ZBTB20: variants seen among roughly 807,000 people sequenced by gnomAD.
ZBTB20 encodes zinc finger and BTB domain-containing protein 20.
Under a neutral mutation model 56.9 loss-of-function variants are expected in ZBTB20, and 9 were observed. That is an observed-to-expected ratio of 0.16 (90% confidence interval 0.10 to 0.28). The LOEUF (loss-of-function observed/expected upper bound fraction) is 0.28. ZBTB20 is among the 10% of genes least tolerant of loss of function. The pLI, the probability that ZBTB20 is intolerant of heterozygous loss-of-function variation, is 1.00. For missense variants in ZBTB20, 655 were observed against 1,003.0 expected (o/e 0.65, Z 4.69); for synonymous variants, 417 against 420.7 (o/e 0.99, Z 0.11).
Position 114,631,352 on chromosome 3 carries a change from A to AGGGGT in ZBTB20, c.-295+62171_-295+62175dup, listed in dbSNP as rs1365912619. On this transcript the variant is annotated intron_variant, in intron 6 of 11. Transcript: ENST00000675478. ...TGCTTCTTCTATGACATTTTTGTGGAGGGGTGGGGTGGCTCTTAAATAGGT... is the reference window on the plus strand; with the variant it reads ...TGCTTCTTCTATGACATTTTTGTGGAGGGGTGGGGTGGGGTGGCTCTTAAATAGGT... Among the ~76,000 whole-genome samples, 26 of 87,140 alleles carry AGGGGT rather than the reference A, an allele frequency of 3.0e-4. 1 individual carries two copies. The highest frequency in any genetic ancestry group is 1.1e-3 in the African/African-American group (26 of 23,184). The allele number at this position is 87,140 out of a possible 152,430, so 57.2% of individuals were successfully genotyped here.
chr3:114,454,170 A>G (rs1282761883), intron 7 of ZBTB20, among the ~76,000 whole-genome samples: 1 of 74,296 alleles, frequency 1.3e-5, no homozygotes, highest in East Asian at 4.2e-4. Flanking sequence ...AGAGGAAAAG[A>G]GAAGGGAGAG....
At chr3:114,346,473 T>G (rs2080194093) in intron 11 of ZBTB20, among the ~76,000 whole-genome samples, 2 of 151,970 alleles carry the variant, frequency 1.3e-5, no homozygotes, top group South Asian at 4.1e-4. Flanking sequence ...ATTAACTGAT[T>G]TGTTGAAGGA....
intron 6 of ZBTB20, among the ~76,000 whole-genome samples, chr3:114,591,889 T>C (rs1380520771): frequency 6.6e-6 from 1 of 152,178 alleles, no homozygotes; most frequent in African/African-American, 2.4e-5. Context: ...ACATCTAAAA[T>C]AATGATTTGC....
At chr3:114,369,290 T>A (rs1304309949) in intron 10 of ZBTB20, among the ~76,000 whole-genome samples, 1 of 152,176 alleles carries the variant, frequency 6.6e-6, no homozygotes, top group Non-Finnish European at 1.5e-5. Context: ...GGTATAAAAC[T>A]GATAACATAA....
intron 2 of ZBTB20, among the ~76,000 whole-genome samples, chr3:115,047,257 G>T (rs1223860218): frequency 2.0e-5 from 3 of 152,050 alleles, no homozygotes; most frequent in Admixed American, 6.6e-5. Context: ...TTTTGTACCA[G>T]AAAACAGTAA....
chr3:114,679,771 A>C (rs2061854872), intron 6 of ZBTB20, among the ~76,000 whole-genome samples: 1 of 152,184 alleles, frequency 6.6e-6, no homozygotes, highest in African/African-American at 2.4e-5. Context: ...TTGACCCAGC[A>C]ATCCCATTAC....
chr3:115,093,940 G>C (rs992881717), intron 1 of ZBTB20, among the ~76,000 whole-genome samples: 1 of 152,074 alleles, frequency 6.6e-6, no homozygotes, highest in Non-Finnish European at 1.5e-5. Flanking sequence ...TTTTTAACGG[G>C]AGTTAGGGAA....
chr3:115,084,734 C>G (rs1415602446), intron 1 of ZBTB20, among the ~76,000 whole-genome samples: 1 of 151,850 alleles, frequency 6.6e-6, no homozygotes, highest in Non-Finnish European at 1.5e-5. Context: ...CAGAAAGCGT[C>G]CCAAGAATCC....
At chr3:114,620,348 A>G (rs1302863338) in intron 6 of ZBTB20, among the ~76,000 whole-genome samples, 2 of 151,824 alleles carry the variant, frequency 1.3e-5, no homozygotes, top group Non-Finnish European at 2.9e-5. Flanking sequence ...GCTGGAGTGC[A>G]ATGGCACGAC....
At chr3:114,809,599 C>G (rs754238685) in intron 4 of ZBTB20, among the ~76,000 whole-genome samples, 36 of 151,898 alleles carry the variant, frequency 2.4e-4, no homozygotes, top group Non-Finnish European at 4.1e-4. Context: ...ACATGATTTC[C>G]TATTATTTTG....
intron 6 of ZBTB20, among the ~76,000 whole-genome samples, chr3:114,550,925 A>G (rs1443122668): frequency 6.6e-6 from 1 of 151,976 alleles, no homozygotes; most frequent in Non-Finnish European, 1.5e-5. Context: ...TAATTTTTGT[A>G]TTTTTAGCAG....
At chr3:115,101,108 A>C (rs2083567750) in intron 1 of ZBTB20, among the ~76,000 whole-genome samples, 1 of 152,252 alleles carries the variant, frequency 6.6e-6, no homozygotes, top group South Asian at 2.1e-4. Context: ...ATCACAATGC[A>C]ATGTACTCTG....
chr3:114,403,958 T>C (rs1463351739), intron 7 of ZBTB20, among the ~76,000 whole-genome samples: 1 of 152,114 alleles, frequency 6.6e-6, no homozygotes, highest in Non-Finnish European at 1.5e-5. Flanking sequence ...TAGATGGTTT[T>C]TAAGATTCTT....
At chr3:114,810,487 G>T (rs1389052084) in intron 4 of ZBTB20, among the ~76,000 whole-genome samples, 1 of 152,100 alleles carries the variant, frequency 6.6e-6, no homozygotes, top group African/African-American at 2.4e-5. Flanking sequence ...TGAAGTTGTG[G>T]GTTTTCATGA....
intron 6 of ZBTB20, among the ~76,000 whole-genome samples, chr3:114,526,945 T>C (rs187644123): frequency 2.6e-5 from 4 of 152,302 alleles, no homozygotes; most frequent in African/African-American, 9.6e-5. Context: ...AGATCTTTTT[T>C]CAATAATGGA....
intron 7 of ZBTB20, among the ~76,000 whole-genome samples, chr3:114,482,087 G>A (rs564957688): frequency 6.6e-6 from 1 of 152,124 alleles, no homozygotes; most frequent in Non-Finnish European, 1.5e-5. Context: ...TTGCAGGGGG[G>A]TGTCTAGGAC....
chr3:114,893,469 GAAAC>G (rs1423099882), intron 4 of ZBTB20, among the ~76,000 whole-genome samples: 1 of 152,174 alleles, frequency 6.6e-6, no homozygotes, highest in Admixed American at 6.5e-5. Flanking sequence ...TTCAAAGTGA[GAAAC>G]AAACTGTTTT....
intron 10 of ZBTB20, among the ~76,000 whole-genome samples, chr3:114,367,920 TAC>T (rs1284997415): frequency 1.3e-5 from 2 of 152,174 alleles, no homozygotes; most frequent in African/African-American, 4.8e-5. Context: ...GTAACTGTCT[TAC>T]ACACAATCTC....
chr3:114,828,952 G>A (rs1218247959), intron 4 of ZBTB20, among the ~76,000 whole-genome samples: 2 of 151,794 alleles, frequency 1.3e-5, no homozygotes, highest in African/African-American at 2.4e-5. Context: ...TGTTTTAAAT[G>A]CCTATTTGAT....
Sources: gnomAD v4.1 joint callset for allele counts (sites outside exome capture counted in the v4.1 genomes callset) on GRCh38, gnomAD v4.1.1 for gene constraint, MANE v1.5 for transcripts, NCBI Gene and HGNC (gene_info 2026-07-23, HGNC 2026-07-21) for gene names.